The following MYO16 variants were observed in gnomAD, a reference collection of about 807,000 sequenced individuals.
The protein encoded by MYO16 is myosin XVI, also known as unconventional myosin-XVI.
MYO16 carries 94 observed loss-of-function variants against 205.3 expected under a neutral mutation model. The ratio of observed to expected loss-of-function variants is 0.46; its 90% CI spans 0.39 to 0.54. MYO16 has a LOEUF of 0.54. Ranked by LOEUF, MYO16 falls within the 20% of genes least tolerant of loss-of-function variation. The probability of loss-of-function intolerance (pLI) is 0.00; values close to 1 mark genes in which losing one functional copy is unlikely to be tolerated. For missense variants in MYO16, 2,315 were observed against 2,387.5 expected, an observed-to-expected ratio of 0.97 and a Z score of 0.63; for synonymous variants, 988 against 954.0, an observed-to-expected ratio of 1.04 and a Z score of -0.66.
chr13:108,753,383 A>AAAAAACAAAAAAC (rs1555344225), intron 4 of MYO16, among the ~76,000 whole-genome samples: 1 of 147,726 alleles, frequency 6.8e-6, no homozygotes, highest in African/African-American at 2.7e-5. Context: ...AAAAAAAAAA[A>AAAAAACAAAAAAC]AAAAAAAAAA....
At chr13:109,016,793 TTG>T (rs1594471985) in intron 22 of MYO16, among the ~76,000 whole-genome samples, 1 of 152,016 alleles carries the variant, frequency 6.6e-6, no homozygotes, top group Non-Finnish European at 1.5e-5. Flanking sequence ...GCTGCTTTTT[TTG>T]TTGTTGTTTT....
chr13:108,545,901 T>C, the MYO16 span, among the ~76,000 whole-genome samples: 1 of 152,184 alleles, frequency 6.6e-6, no homozygotes, highest in African/African-American at 2.4e-5. Context: ...GAAATGGAGA[T>C]ACCTAACTCA....
At chr13:108,592,550 T>A (rs1368624156), upstream of MYO16, among the ~76,000 whole-genome samples, 1 of 93,724 alleles carries the variant, frequency 1.1e-5, no homozygotes, top group Admixed American at 1.2e-4. Flanking sequence ...AATGTGGGGG[T>A]GTGGGGTATG....
chr13:109,117,448 GTATA>G (rs1200544922), intron 28 of MYO16, among the ~76,000 whole-genome samples: 3 of 142,900 alleles, frequency 2.1e-5, no homozygotes, highest in African/African-American at 5.4e-5. Context: ...GTATATATAT[GTATA>G]TATATGTATG....
At chr13:108,757,781 T>C (rs999855761) in intron 4 of MYO16, among the ~76,000 whole-genome samples, 1 of 152,214 alleles carries the variant, frequency 6.6e-6, no homozygotes, top group Admixed American at 6.5e-5. Flanking sequence ...AAAGTTTGAT[T>C]ATTTTTCAGT....
At chr13:109,179,424 G>T in intron 33 of MYO16, 118 bp from the exon 34 acceptor site, 1 of 682,966 alleles carries the variant, frequency 1.5e-6, no homozygotes. Context: ...TGTGTTTAAG[G>T]ATCATCATTT....
chr13:109,199,179 T>C (rs1377436234), intron 34 of MYO16, among the ~76,000 whole-genome samples: 1 of 132,476 alleles, frequency 7.5e-6, no homozygotes, highest in South Asian at 2.4e-4. Flanking sequence ...AAGTAAATGG[T>C]TTAATAAAAA....
intron 1 of MYO16, among the ~76,000 whole-genome samples, chr13:108,616,249 T>G (rs1205359176): frequency 6.6e-6 from 1 of 152,196 alleles, no homozygotes; most frequent in Non-Finnish European, 1.5e-5. Flanking sequence ...CAAGTAAAAA[T>G]GTATATACAG....
intron 3 of MYO16, among the ~76,000 whole-genome samples, chr13:108,718,084 G>C (rs1226230659): frequency 6.6e-6 from 1 of 152,154 alleles, no homozygotes; most frequent in Non-Finnish European, 1.5e-5. Flanking sequence ...ATAAGAAGCA[G>C]AGATAATTAG....
At chr13:109,146,732 G>A (rs1877349511) in intron 32 of MYO16, among the ~76,000 whole-genome samples, 1 of 151,972 alleles carries the variant, frequency 6.6e-6, no homozygotes, top group African/African-American at 2.4e-5. Context: ...GGGAAGTGGA[G>A]GCTACAGTGG....
chr13:108,887,428 A>G (rs1879954994), intron 13 of MYO16, among the ~76,000 whole-genome samples: 1 of 152,224 alleles, frequency 6.6e-6, no homozygotes, highest in Admixed American at 6.5e-5. Context: ...CAAATAAGTA[A>G]AGGCTGTTTT....
chr13:108,628,664 C>G (rs958765326), upstream of MYO16, among the ~76,000 whole-genome samples: 1 of 152,162 alleles, frequency 6.6e-6, no homozygotes, highest in Admixed American at 6.5e-5. Context: ...AGTCATGACC[C>G]CTTGTTGTAT....
At chr13:108,749,671 A>G (rs1392484567) in intron 4 of MYO16, among the ~76,000 whole-genome samples, 2 of 152,216 alleles carry the variant, frequency 1.3e-5, no homozygotes, top group African/African-American at 2.4e-5. Flanking sequence ...GCTCTCATTC[A>G]CTGCTGGTGG....
chr13:109,026,124 C>T (rs1886353115), intron 23 of MYO16, among the ~76,000 whole-genome samples: 1 of 152,210 alleles, frequency 6.6e-6, no homozygotes, highest in South Asian at 2.1e-4. Flanking sequence ...AGCTCCTTCT[C>T]CCCACAAATG....
chr13:108,799,937 C>T (rs115157485), intron 6 of MYO16, among the ~76,000 whole-genome samples: 4,274 of 152,184 alleles, frequency 0.028, 181 homozygotes, highest in African/African-American at 0.096. Context: ...TAACTGAGCC[C>T]TCTTTAGATG....
intron 1 of MYO16, chr13:108,659,415 C>T (rs1271160655): frequency 2.4e-6 from 1 of 417,840 alleles, no homozygotes; most frequent in Non-Finnish European, 4.8e-6. Context: ...AAGTTTAGTC[C>T]TACAGAGGTA....
chr13:108,632,762 G>T (rs1880044935), intron 1 of MYO16, among the ~76,000 whole-genome samples: 1 of 152,112 alleles, frequency 6.6e-6, no homozygotes, highest in Non-Finnish European at 1.5e-5. Context: ...AGACAGATCT[G>T]CAGTGAGAGC....
chr13:108,584,505 T>G, the MYO16 span, among the ~76,000 whole-genome samples: 2 of 146,264 alleles, frequency 1.4e-5, no homozygotes, highest in Non-Finnish European at 3.0e-5. Context: ...ATAATTATTT[T>G]GAAATATACA....
upstream of MYO16, among the ~76,000 whole-genome samples, chr13:108,627,432 A>C (rs926779011): frequency 6.6e-6 from 1 of 152,168 alleles, no homozygotes; most frequent in African/African-American, 2.4e-5. Flanking sequence ...AGAGGTCTAC[A>C]TTTGTAGTCT....
Sources: allele counts gnomAD v4.1 joint callset (sites outside exome capture counted in the v4.1 genomes callset), GRCh38; gene constraint gnomAD v4.1.1; transcripts MANE v1.5; gene names NCBI Gene and HGNC (gene_info 2026-07-23, HGNC 2026-07-21).